KCTD16: variants seen among roughly 807,000 people sequenced by gnomAD.
The protein encoded by KCTD16 is potassium channel tetramerization domain containing 16, also known as BTB/POZ domain-containing protein KCTD16.
Under a neutral mutation model 33.2 loss-of-function variants are expected in KCTD16, and 13 were observed. The ratio of observed to expected loss-of-function variants is 0.39; its 90% CI spans 0.25 to 0.62. The LOEUF is 0.62. Ranked by LOEUF, KCTD16 falls within the 20% of genes least tolerant of loss-of-function variation. The probability of loss-of-function intolerance (pLI) is 0.50; values close to 1 mark genes in which losing one functional copy is unlikely to be tolerated. For missense variants in KCTD16, 441 were observed against 525.1 expected, an observed-to-expected ratio of 0.84 and a Z score of 1.57; for synonymous variants, 197 against 195.3, an observed-to-expected ratio of 1.01 and a Z score of -0.07.
intron 3 of KCTD16, among the ~76,000 whole-genome samples, chr5:144,447,200 A>G (rs2126981829): frequency 6.6e-6 from 1 of 152,308 alleles, no homozygotes; most frequent in South Asian, 2.1e-4. Context: ...AATGTGGCAC[A>G]TATGCACCAT....
chr5:144,227,709 G>T (rs1490559699), intron 3 of KCTD16, among the ~76,000 whole-genome samples: 2 of 152,212 alleles, frequency 1.3e-5, no homozygotes, highest in South Asian at 2.1e-4. Context: ...ACAACTATCG[G>T]AATAATCCAG....
chr5:144,191,550 C>G (rs558958917), intron 2 of KCTD16, among the ~76,000 whole-genome samples: 1 of 152,334 alleles, frequency 6.6e-6, no homozygotes, highest in East Asian at 1.9e-4. Flanking sequence ...AGTGCAATAG[C>G]AACTCTGTCT....
At chr5:144,275,568 C>T (rs1259293453) in intron 3 of KCTD16, among the ~76,000 whole-genome samples, 1 of 152,200 alleles carries the variant, frequency 6.6e-6, no homozygotes, top group Non-Finnish European at 1.5e-5. Context: ...TGAACGCTTT[C>T]CCAGTTCTGC....
At chr5:144,201,380 G>C (rs7706083) in intron 2 of KCTD16, among the ~76,000 whole-genome samples, 43,283 of 152,006 alleles carry the variant, frequency 0.28, 7,512 homozygotes, top group African/African-American at 0.48. Flanking sequence ...AAGCAATGGT[G>C]TTAACCTGAA....
intron 3 of KCTD16, among the ~76,000 whole-genome samples, chr5:144,375,003 T>C (rs992510631): frequency 1.3e-5 from 2 of 152,216 alleles, no homozygotes; most frequent in African/African-American, 2.4e-5. Context: ...CAATTATGCA[T>C]TTATTGCAAC....
At chr5:144,294,556 TAGTTTGTGTATCCATC>T (rs1320705557) in intron 3 of KCTD16, among the ~76,000 whole-genome samples, 1 of 152,184 alleles carries the variant, frequency 6.6e-6, no homozygotes, top group Non-Finnish European at 1.5e-5. Flanking sequence ...ATTTGACTCA[TAGTTTGTGTATCCATC>T]AGCAATTTAT....
At chr5:144,341,786 T>A (rs953862501) in intron 3 of KCTD16, among the ~76,000 whole-genome samples, 4 of 152,226 alleles carry the variant, frequency 2.6e-5, no homozygotes, top group Admixed American at 2.0e-4. Flanking sequence ...CAGTATCAGA[T>A]GCTCATTTAT....
At chr5:144,433,627 A>G (rs1035948334) in intron 3 of KCTD16, among the ~76,000 whole-genome samples, 5 of 152,296 alleles carry the variant, frequency 3.3e-5, no homozygotes, top group African/African-American at 9.6e-5. Flanking sequence ...AAGTTTAAAC[A>G]TAGAAAACCA....
intron 3 of KCTD16, among the ~76,000 whole-genome samples, chr5:144,404,935 A>G (rs905382223): frequency 6.6e-6 from 1 of 152,188 alleles, no homozygotes; most frequent in African/African-American, 2.4e-5. Flanking sequence ...CTTCCATTCT[A>G]TCTTGAAAGG....
chr5:144,419,798 GTAATT>G (rs1381339599), intron 3 of KCTD16, among the ~76,000 whole-genome samples: 1 of 152,072 alleles, frequency 6.6e-6, no homozygotes, highest in Non-Finnish European at 1.5e-5. Context: ...CTAATTTTAA[GTAATT>G]TAATTTAAAT....
At chr5:144,240,017 A>G (rs1754357877) in intron 3 of KCTD16, among the ~76,000 whole-genome samples, 1 of 152,120 alleles carries the variant, frequency 6.6e-6, no homozygotes. Context: ...CTTTACCTGG[A>G]TTACCCCCTT....
intron 3 of KCTD16, among the ~76,000 whole-genome samples, chr5:144,214,693 C>T (rs980694131): frequency 2.0e-5 from 3 of 152,172 alleles, no homozygotes; most frequent in Admixed American, 2.0e-4. Flanking sequence ...GTTTCCCAAT[C>T]CAGAAGTTAC....
chr5:144,294,219 A>G (rs1319879720), intron 3 of KCTD16, among the ~76,000 whole-genome samples: 2 of 152,222 alleles, frequency 1.3e-5, no homozygotes, highest in Admixed American at 6.5e-5. Flanking sequence ...AATAAATGCC[A>G]ATAAATCATA....
At chr5:144,262,564 C>T (rs1245066396) in intron 3 of KCTD16, among the ~76,000 whole-genome samples, 1 of 152,210 alleles carries the variant, frequency 6.6e-6, no homozygotes, top group Non-Finnish European at 1.5e-5. Context: ...TACCTTATAA[C>T]CACTTGAAGA....
At chr5:144,182,537 C>T (rs1300823170) in intron 2 of KCTD16, among the ~76,000 whole-genome samples, 1 of 152,178 alleles carries the variant, frequency 6.6e-6, no homozygotes, top group Non-Finnish European at 1.5e-5. Context: ...AGGATTAGCA[C>T]ATCTTGAAAT....
intron 3 of KCTD16, among the ~76,000 whole-genome samples, chr5:144,371,766 A>G (rs981758256): frequency 8.6e-5 from 13 of 151,944 alleles, no homozygotes; most frequent in Non-Finnish European, 1.9e-4. Flanking sequence ...TCTAAGAAAT[A>G]CTTGATCAAA....
intron 3 of KCTD16, among the ~76,000 whole-genome samples, chr5:144,273,597 G>A (rs1337634367): frequency 6.6e-6 from 1 of 152,020 alleles, no homozygotes; most frequent in African/African-American, 2.4e-5. Flanking sequence ...GAATAGATAA[G>A]CACAATGTAA....
chr5:144,430,853 T>C (rs983218804), intron 3 of KCTD16, among the ~76,000 whole-genome samples: 4 of 152,162 alleles, frequency 2.6e-5, no homozygotes, highest in African/African-American at 9.7e-5. Context: ...GAATGAGTTT[T>C]CTGCACATTG....
chr5:144,338,697 A>T (rs902705381), intron 3 of KCTD16, among the ~76,000 whole-genome samples: 1 of 152,170 alleles, frequency 6.6e-6, no homozygotes, highest in Admixed American at 6.5e-5. Context: ...TTATGGGCAT[A>T]TGCAGGTATA....
Sources: allele counts gnomAD v4.1 joint callset (sites outside exome capture counted in the v4.1 genomes callset), GRCh38; gene constraint gnomAD v4.1.1; transcripts MANE v1.5; gene names NCBI Gene and HGNC (gene_info 2026-07-23, HGNC 2026-07-21).